Variants in INPP5F observed in about 807,000 individuals in gnomAD.
The protein encoded by INPP5F is phosphatidylinositide 4-phosphatase SAC2.
In INPP5F, 97 loss-of-function variants were observed where a neutral mutation model predicts 137.2. The ratio of observed to expected loss-of-function variants is 0.71; its 90% confidence interval spans 0.60 to 0.84. The LOEUF is 0.84. INPP5F is among the 40% of genes least tolerant of loss of function. The pLI is 0.00. For missense variants in INPP5F, 1,271 were observed against 1,371.9 expected, an observed-to-expected ratio of 0.93 and a Z score of 1.16; for synonymous variants, 504 against 476.9, an observed-to-expected ratio of 1.06 and a Z score of -0.74.
chr10:119,821,337 CGTGTGTGT>C (rs3067616), intron 16 of INPP5F, among the ~76,000 whole-genome samples: 16,603 of 150,018 alleles, frequency 0.11, 941 homozygotes, highest in South Asian at 0.17. Flanking sequence ...TATGCAATAA[CGTGTGTGT>C]GTGTGTGTGT....
At chr10:119,745,103 G>A (rs1848492409) in intron 1 of INPP5F, among the ~76,000 whole-genome samples, 1 of 151,910 alleles carries the variant, frequency 6.6e-6, no homozygotes, top group Admixed American at 6.6e-5. Context: ...GTTCTCATCG[G>A]CCCTTCCTTT....
intron 1 of INPP5F, among the ~76,000 whole-genome samples, chr10:119,726,743 A>T (rs192738563): frequency 7.0e-4 from 106 of 152,290 alleles, no homozygotes; most frequent in African/African-American, 2.5e-3. Context: ...CCTTCGCCAG[A>T]AGTTCTGGGT....
rs757340961 is a variant in INPP5F, at chr10:119,819,548, C to T, written c.1887-1298C>T. ...CAATTTTCAGAGTGCACGTAAGTATCAACGCGTAAAACTTAACATTTTACA... is the reference window on the plus strand; with the variant it reads ...CAATTTTCAGAGTGCACGTAAGTATTAACGCGTAAAACTTAACATTTTACA... On this transcript the variant is annotated intron_variant, in intron 15 of 19. Transcript: ENST00000650623. 6 of 1,593,622 alleles carry T rather than the reference C, an allele frequency of 3.8e-6. No homozygotes were observed. The African/African-American group carries it at 6.7e-5, about 18-fold the overall frequency.
intron 2 of INPP5F, among the ~76,000 whole-genome samples, chr10:119,776,160 T>C (rs1849516314): frequency 6.6e-6 from 1 of 152,206 alleles, no homozygotes; most frequent in African/African-American, 2.4e-5. Context: ...CCTCAAAGTC[T>C]AGGACACTTG....
chr10:119,760,105 A>C (rs1848967351), intron 2 of INPP5F, among the ~76,000 whole-genome samples: 1 of 152,334 alleles, frequency 6.6e-6, no homozygotes, highest in African/African-American at 2.4e-5. Context: ...TCTAAGTGGC[A>C]TGGCAGATAT....
chr10:119,732,716 G>A (rs2134100486), intron 1 of INPP5F, among the ~76,000 whole-genome samples: 1 of 151,988 alleles, frequency 6.6e-6, no homozygotes, highest in East Asian at 1.9e-4. Context: ...GGCCAGGTTG[G>A]TCTTGAACTC....
intron 2 of INPP5F, among the ~76,000 whole-genome samples, chr10:119,779,047 T>C (rs970895002): frequency 3.3e-5 from 5 of 152,158 alleles, no homozygotes; most frequent in African/African-American, 1.2e-4. Context: ...TTCCACCTAC[T>C]CTGTGGAGAT....
At chr10:119,757,147 T>G (rs990631591) in intron 2 of INPP5F, among the ~76,000 whole-genome samples, 4 of 152,162 alleles carry the variant, frequency 2.6e-5, no homozygotes, top group African/African-American at 9.7e-5. Flanking sequence ...CAATCTTGGC[T>G]TACTGCAACC....
intron 1 of INPP5F, among the ~76,000 whole-genome samples, chr10:119,737,223 C>A (rs1193474074): frequency 2.0e-5 from 3 of 152,054 alleles, no homozygotes; most frequent in African/African-American, 7.2e-5. Context: ...TAGTTTAGAC[C>A]AGCTTTTATG....
intron 15 of INPP5F, among the ~76,000 whole-genome samples, chr10:119,812,895 G>T (rs996496724): frequency 1.1e-4 from 16 of 149,866 alleles, no homozygotes; most frequent in African/African-American, 3.7e-4. Context: ...TTTAGTGGCA[G>T]CAATCCAACT....
chr10:119,809,431 T>A (rs1449074575), intron 13 of INPP5F, among the ~76,000 whole-genome samples: 1 of 152,116 alleles, frequency 6.6e-6, no homozygotes, highest in Non-Finnish European at 1.5e-5. Context: ...GGACTGAGAT[T>A]TCTGAGATTG....
intron 9 of INPP5F, among the ~76,000 whole-genome samples, chr10:119,800,013 GTTT>G (rs1850524866): frequency 6.6e-6 from 1 of 151,118 alleles, no homozygotes. Context: ...CTTTAAATTC[GTTT>G]TTATTAAAAC....
chr10:119,750,247 T>C (rs1848653320), intron 1 of INPP5F, among the ~76,000 whole-genome samples: 1 of 152,210 alleles, frequency 6.6e-6, no homozygotes, highest in Non-Finnish European at 1.5e-5. Flanking sequence ...ATAATGAAAA[T>C]GTAATTTTAA....
chr10:119,818,433 G>A (rs547493626), intron 15 of INPP5F, among the ~76,000 whole-genome samples: 1 of 152,366 alleles, frequency 6.6e-6, no homozygotes, highest in Admixed American at 6.5e-5. Flanking sequence ...GATGGCCTAG[G>A]GGCCAGACGC....
Position 119,748,588 on chromosome 10 carries a change from T to C in INPP5F, c.98-2488T>C, listed in dbSNP as rs1848605952. Among the ~76,000 whole-genome samples, 1 of 152,090 alleles carries C rather than the reference T, an allele frequency of 6.6e-6. No individual in the cohort carries two copies. The highest frequency in any genetic ancestry group is 1.5e-5 in the Non-Finnish European group (1 of 68,014). On this transcript the variant is annotated intron_variant, in intron 1 of 19. Transcript: ENST00000650623. This position sits in a 1 kb window ranked among gnomAD's most constrained non-coding sequence, Gnocchi z 4.7. Reference sequence around the variant, plus strand: ...TCTCAGGAGACCTGAAGTGGGTAGCTCCTTTTTGCAGGCAGGTCATCCAAT... The same window carrying C: ...TCTCAGGAGACCTGAAGTGGGTAGCCCCTTTTTGCAGGCAGGTCATCCAAT...
chr10:119,746,875 A>G (rs758355969), intron 1 of INPP5F, among the ~76,000 whole-genome samples: 1 of 149,988 alleles, frequency 6.7e-6, no homozygotes, highest in Non-Finnish European at 1.5e-5. Context: ...GGCAACCTCT[A>G]CTTCCCGGAT....
intron 1 of INPP5F, 47 bp from the exon 2 acceptor site, chr10:119,751,029 A>AT (rs755711142): frequency 8.4e-7 from 1 of 1,184,304 alleles, no homozygotes; most frequent in Non-Finnish European, 1.3e-6. Context: ...GTTTTAATAT[A>AT]TTTTCTGGTG....
chr10:119,781,765 G>C lies in INPP5F; in HGVS notation c.309G>C (p.Glu103Asp). ...SLSEMEPQDL[E>D]LELCKKHHFG... ...CTGAAATGGAACCTCAGGATCTTGA[G>C]CTAGAGGTAGGTGAAATAAAGGGAA... is the stretch of plus-strand genomic sequence containing the variant. Residue 103 changes from glutamate to aspartate, a missense_variant, in exon 3 of 20, where the codon GAG becomes GAC. Physicochemically the swap from Glu to Asp is conservative, Grantham distance 45. Around this residue, in one of 6 missense-constraint regions of INPP5F, gnomAD observed 62 missense variants for 55.0 expected, o/e 1.13. Transcript: ENST00000650623. The C allele has an allele frequency of 1.3e-6, 2 of 1,597,232 alleles. No individual in the cohort carries two copies. Among genetic ancestry groups the C allele is most frequent in the Non-Finnish European group, 1.7e-6 (2 of 1,168,372 alleles).
chr10:119,770,805 A>G (rs1275609555), intron 2 of INPP5F, among the ~76,000 whole-genome samples: 1 of 152,176 alleles, frequency 6.6e-6, no homozygotes, highest in South Asian at 2.1e-4. Context: ...TTCAAGAATT[A>G]TAGGCTGTCC....
Sources: allele counts gnomAD v4.1 joint callset (sites outside exome capture counted in the v4.1 genomes callset), GRCh38; gene constraint gnomAD v4.1.1; regional missense constraint gnomAD v4.1.1; non-coding constraint Gnocchi (gnomAD v3.1); transcripts MANE v1.5; gene names NCBI Gene and HGNC (gene_info 2026-07-23, HGNC 2026-07-21).